CA10: variants seen among roughly 807,000 people sequenced by gnomAD.
The protein encoded by CA10 is carbonic anhydrase-related protein 10.
In CA10, 14 loss-of-function variants were observed where a neutral mutation model predicts 44.2. The observed-to-expected ratio is 0.32, with a 90% CI of 0.21 to 0.50. The LOEUF is 0.50. CA10 is among the 20% of genes least tolerant of loss of function. The probability of loss-of-function intolerance (pLI) is 0.99; values close to 1 mark genes in which losing one functional copy is unlikely to be tolerated. For missense variants in CA10, 350 were observed against 409.7 expected, an observed-to-expected ratio of 0.85 and a Z score of 1.26; for synonymous variants, 159 against 141.6, an observed-to-expected ratio of 1.12 and a Z score of -0.87.
chr17:51,635,968 A>G lies in CA10; in HGVS notation c.676T>C (p.Tyr226His). 1.2e-6 allele frequency: 2 copies of G among 1,607,292 alleles called. No homozygotes were observed. The highest frequency in any genetic ancestry group is 1.7e-6 in the Non-Finnish European group (2 of 1,175,544). Residue 226 changes from tyrosine (Y) to histidine (H), a missense_variant, in exon 7 of 9, where the codon TAT becomes CAT. Tyr to His is a moderately conservative substitution (Grantham distance 83). Coordinates refer to ENST00000451037, the MANE Select transcript of CA10 (RefSeq NM_020178.5). ...GTGATGAAACTAGAGGTCTCTGGATATAGTTCCTCTATATTAAGCCCCTGT... is the reference window on the plus strand; with the variant it reads ...GTGATGAAACTAGAGGTCTCTGGATGTAGTTCCTCTATATTAAGCCCCTGT... ...LLQGLNIEEL[Y>H]PETSSFITYD...
intron 2 of CA10, among the ~76,000 whole-genome samples, chr17:52,017,961 A>G (rs1410959989): frequency 1.3e-5 from 2 of 152,028 alleles, no homozygotes; most frequent in Non-Finnish European, 2.9e-5. Flanking sequence ...CCCAGGTACA[A>G]CTCCAGCCAG....
At chr17:52,071,730 G>A (rs1395661318) in intron 2 of CA10, among the ~76,000 whole-genome samples, 2 of 152,118 alleles carry the variant, frequency 1.3e-5, no homozygotes, top group Admixed American at 6.5e-5. Flanking sequence ...AAAAGCAAGA[G>A]GACCATTAAA....
chr17:52,051,054 G>A lies in CA10; in HGVS notation c.136+21265C>T, dbSNP rs531823865. Among the ~76,000 whole-genome samples, 9 of 151,116 alleles carry A rather than the reference G, an allele frequency of 6.0e-5. No homozygotes were observed. The South Asian group carries it at 1.9e-3, about 32-fold the overall frequency. On this transcript the variant is annotated intron_variant, in intron 2 of 8. Transcript: ENST00000451037. Reference sequence around the variant, plus strand: ...GAAGGGAAGGAAAGGAAGGAGGGAGGGAGGGGAAAAATGAAGAATGGAGGA... The same window carrying A: ...GAAGGGAAGGAAAGGAAGGAGGGAGAGAGGGGAAAAATGAAGAATGGAGGA...
chr17:51,725,065 G>A (rs1468065991), intron 4 of CA10, among the ~76,000 whole-genome samples: 1 of 152,210 alleles, frequency 6.6e-6, no homozygotes, highest in Admixed American at 6.5e-5. Context: ...GTCAGCCTGA[G>A]ACTCGAAGAG....
intron 2 of CA10, among the ~76,000 whole-genome samples, chr17:51,935,313 C>G (rs1982823264): frequency 6.6e-6 from 1 of 152,070 alleles, no homozygotes. Context: ...TTTAAAGCAT[C>G]CATTATTATG....
intron 3 of CA10, among the ~76,000 whole-genome samples, chr17:51,880,434 T>G (rs973857232): frequency 2.6e-5 from 4 of 152,098 alleles, no homozygotes; most frequent in Non-Finnish European, 5.9e-5. Flanking sequence ...GCCTAACAAG[T>G]AGATGGGACG....
intron 2 of CA10, among the ~76,000 whole-genome samples, chr17:52,034,169 A>G (rs911879612): frequency 4.6e-5 from 7 of 152,208 alleles, no homozygotes; most frequent in Non-Finnish European, 1.0e-4. Context: ...ATTTGCTAAG[A>G]TGGTAGATCT....
intron 3 of CA10, among the ~76,000 whole-genome samples, chr17:51,836,087 T>A (rs1169001986): frequency 2.0e-5 from 3 of 152,202 alleles, no homozygotes; most frequent in Admixed American, 1.3e-4. Flanking sequence ...AGATTTATAC[T>A]CTCAGCCATC....
At chr17:52,007,200 G>A (rs943631000) in intron 2 of CA10, among the ~76,000 whole-genome samples, 5 of 151,494 alleles carry the variant, frequency 3.3e-5, no homozygotes, top group African/African-American at 4.8e-5. Context: ...TTCAAATAGT[G>A]ACAATTTTTT....
At chr17:51,680,100 G>GA (rs993034095) in intron 4 of CA10, among the ~76,000 whole-genome samples, 20 of 151,048 alleles carry the variant, frequency 1.3e-4, no homozygotes, top group Admixed American at 3.3e-4. Flanking sequence ...CCCTTCACTG[G>GA]AAAAAAAAAT....
At chr17:51,904,990 A>G (rs1461894559) in intron 3 of CA10, among the ~76,000 whole-genome samples, 2 of 152,096 alleles carry the variant, frequency 1.3e-5, no homozygotes, top group East Asian at 1.9e-4. Flanking sequence ...TACTATTTAC[A>G]TGTTCCCAAC....
chr17:52,052,163 G>GA (rs1239883188), intron 2 of CA10, among the ~76,000 whole-genome samples: 9 of 151,780 alleles, frequency 5.9e-5, no homozygotes, highest in Non-Finnish European at 1.2e-4. Context: ...GAGGGATCAG[G>GA]AAAAATAAGT....
At chr17:51,854,059 C>G (rs975437056) in intron 3 of CA10, among the ~76,000 whole-genome samples, 3 of 152,220 alleles carry the variant, frequency 2.0e-5, no homozygotes, top group African/African-American at 7.2e-5. Flanking sequence ...CTCTCAGATA[C>G]ACTTCAGATG....
intron 3 of CA10, among the ~76,000 whole-genome samples, chr17:51,928,260 G>T (rs1039650703): frequency 9.2e-5 from 14 of 152,036 alleles, no homozygotes; most frequent in African/African-American, 3.1e-4. Context: ...AGTTTGAACT[G>T]CATTTTGACT....
intron 2 of CA10, among the ~76,000 whole-genome samples, chr17:51,991,988 T>C (rs894335564): frequency 2.0e-5 from 3 of 152,090 alleles, no homozygotes; most frequent in Non-Finnish European, 4.4e-5. Flanking sequence ...TTGTTTTTAT[T>C]ACAAAACATT....
intron 4 of CA10, among the ~76,000 whole-genome samples, chr17:51,655,423 C>T (rs577251202): frequency 9.8e-5 from 15 of 152,302 alleles, no homozygotes; most frequent in African/African-American, 3.6e-4. Context: ...TTGCCAATAT[C>T]TTGAATTGCA....
intron 2 of CA10, among the ~76,000 whole-genome samples, chr17:51,976,801 G>A (rs1402876241): frequency 1.3e-5 from 2 of 151,828 alleles, no homozygotes; most frequent in African/African-American, 2.4e-5. Flanking sequence ...AAAATTTGAA[G>A]AAAAGATTAG....
At chr17:51,736,238 T>A (rs1916906266) in intron 4 of CA10, among the ~76,000 whole-genome samples, 1 of 152,112 alleles carries the variant, frequency 6.6e-6, no homozygotes, top group South Asian at 2.1e-4. Flanking sequence ...TTCCATCAAT[T>A]TTCACTTCCA....
At chr17:52,103,099 A>G (rs146136328) in intron 1 of CA10, among the ~76,000 whole-genome samples, 12 of 152,314 alleles carry the variant, frequency 7.9e-5, no homozygotes, top group African/African-American at 2.4e-4. Context: ...TTTTGAAACT[A>G]CAAAGAACGT....
Sources: allele counts gnomAD v4.1 joint callset (sites outside exome capture counted in the v4.1 genomes callset), GRCh38; gene constraint gnomAD v4.1.1; transcripts MANE v1.5; gene names NCBI Gene and HGNC (gene_info 2026-07-23, HGNC 2026-07-21).